The following SRFBP1 variants were observed in gnomAD, a reference collection of about 807,000 sequenced individuals.
The protein encoded by SRFBP1 is serum response factor-binding protein 1.
In SRFBP1, 47 loss-of-function variants were observed where a neutral mutation model predicts 45.5. That is an observed-to-expected ratio of 1.03 (90% CI 0.82 to 1.32). The LOEUF (loss-of-function observed/expected upper bound fraction) is 1.32, where lower values mean the gene tolerates loss of function less well. Ranked by LOEUF, SRFBP1 falls within the 40% of genes most tolerant of loss-of-function variation. SRFBP1 has a pLI of 0.00. For missense variants in SRFBP1, 621 were observed against 484.6 expected (o/e 1.28, Z -2.64); for synonymous variants, 203 against 166.3 (o/e 1.22, Z -1.70).
chr5:122,076,717 C>A (rs948813155), downstream of SRFBP1, among the ~76,000 whole-genome samples: 2 of 151,878 alleles, frequency 1.3e-5, no homozygotes, highest in African/African-American at 4.8e-5. Flanking sequence ...CAGAAATCTT[C>A]AAAAATATTA....
At chr5:121,964,525 A>G (rs531838720) in intron 1 of SRFBP1, among the ~76,000 whole-genome samples, 6 of 152,260 alleles carry the variant, frequency 3.9e-5, no homozygotes, top group African/African-American at 1.4e-4. Flanking sequence ...ACATGAACTC[A>G]TCATTTTTTA....
chr5:122,046,277 A>G lies in SRFBP1; in HGVS notation n.311+23870A>G, dbSNP rs1450803384. Among the ~76,000 whole-genome samples the G allele has an allele frequency of 3.3e-5, 5 of 151,374 alleles. No homozygotes were observed. In the South Asian group the frequency reaches 6.3e-4, roughly 19 times the overall value. ...CGTTCTCATTGTTCAATTCCCACCT[A>G]TGAGTGAGAACAGGCGGTGTTTGGT... On this transcript the variant is annotated intron_variant and non_coding_transcript_variant, in intron 2 of 2. Coordinates refer to the SRFBP1 transcript ENST00000504881.
chr5:121,976,205 T>C (rs1752299781), intron 3 of SRFBP1, among the ~76,000 whole-genome samples: 1 of 152,060 alleles, frequency 6.6e-6, no homozygotes, highest in South Asian at 2.1e-4. Context: ...GTAAAGTGTT[T>C]AATAGGACAA....
At chr5:122,057,459 C>CTG (rs3028227) in intron 2 of SRFBP1, among the ~76,000 whole-genome samples, 1,620 of 146,486 alleles carry the variant, frequency 0.011, 26 homozygotes, top group East Asian at 0.05. Context: ...GTTCTCAGTT[C>CTG]TGTGTGTGTG....
downstream of SRFBP1, chr5:122,077,273 C>G: frequency 6.3e-7 from 1 of 1,582,086 alleles, no homozygotes; most frequent in East Asian, 2.3e-5. The surrounding 1 kb of genome is among the most constrained non-coding windows in gnomAD (Gnocchi z 4.9). Flanking sequence ...CGGGGCCCGC[C>G]GCGCCCAGGC....
At chr5:122,077,745 T>G, downstream of SRFBP1, 1 of 1,567,774 alleles carries the variant, frequency 6.4e-7, no homozygotes, top group Non-Finnish European at 8.6e-7. The surrounding 1 kb of genome is among the most constrained non-coding windows in gnomAD (Gnocchi z 4.9). Flanking sequence ...GCGGAGGCGT[T>G]GGCTGCACCA....
chr5:122,069,239 C>A (rs866909042), intron 2 of SRFBP1, among the ~76,000 whole-genome samples: 4 of 152,066 alleles, frequency 2.6e-5, no homozygotes, highest in Non-Finnish European at 5.9e-5. Context: ...ACTGGTGGTT[C>A]TCCAGTGACA....
intron 1 of SRFBP1, among the ~76,000 whole-genome samples, chr5:121,973,561 G>A (rs1199503038): frequency 6.8e-6 from 1 of 147,760 alleles, no homozygotes; most frequent in East Asian, 2.0e-4. Context: ...GTTAAACATT[G>A]TTCTCCAGTA....
chr5:122,041,267 G>C (rs1045355746), intron 2 of SRFBP1, among the ~76,000 whole-genome samples: 1 of 152,084 alleles, frequency 6.6e-6, no homozygotes, highest in Non-Finnish European at 1.5e-5. Context: ...CCTAAGGAAA[G>C]TATGGTAGAG....
At chr5:122,069,786 A>G (rs984147449) in intron 2 of SRFBP1, among the ~76,000 whole-genome samples, 2 of 152,128 alleles carry the variant, frequency 1.3e-5, no homozygotes, top group Non-Finnish European at 2.9e-5. Context: ...TTGGGCCTTC[A>G]CAAATGCCTT....
chr5:122,009,152 C>T (rs1753038329), intron 4 of SRFBP1, among the ~76,000 whole-genome samples: 1 of 152,108 alleles, frequency 6.6e-6, no homozygotes, highest in African/African-American at 2.4e-5. Context: ...TGCATTTTTC[C>T]ATTGACATGT....
Position 122,020,708 on chromosome 5 carries a change from G to C in SRFBP1, c.973G>C (p.Asp325His), listed in dbSNP as rs191242380. 11 of 1,612,838 alleles carry C rather than the reference G, an allele frequency of 6.8e-6. No homozygotes were observed. Among genetic ancestry groups the C allele is most frequent in the Non-Finnish European group, 9.3e-6 (11 of 1,179,760 alleles). The part of the protein sequence containing the change: ...LKEDTGETHG[D>H]TRNDKIKPST... Reference sequence around the variant, plus strand: ...AGAAGATACAGGTGAAACTCATGGGGATACAAGAAATGACAAAATCAAGCC... The same window carrying C: ...AGAAGATACAGGTGAAACTCATGGGCATACAAGAAATGACAAAATCAAGCC... The change falls in exon 6 of 8, where the codon GAT becomes CAT. Residue 325 changes from aspartate (D) to histidine (H), a missense_variant. By Grantham distance (81) the Asp-to-His change is moderately conservative. Coordinates refer to ENST00000339397, the MANE Select transcript of SRFBP1 (RefSeq NM_152546.3).
chr5:122,017,437 A>G (rs1362604472), intron 4 of SRFBP1, among the ~76,000 whole-genome samples: 1 of 152,070 alleles, frequency 6.6e-6, no homozygotes, highest in African/African-American at 2.4e-5. Flanking sequence ...GTGCCCCTAT[A>G]TCAAAATATT....
chr5:121,994,024 G>C lies in SRFBP1; in HGVS notation c.199-575G>C, dbSNP rs112574091. On this transcript the variant is annotated intron_variant, in intron 3 of 7. Coordinates refer to ENST00000339397, the MANE Select transcript of SRFBP1 (RefSeq NM_152546.3). ...TTTTATCAATATTCCATGTGTACTT[G>C]AGAAGAAGATACAATTGTTGTTAAG... is the stretch of plus-strand genomic sequence containing the variant. Among the ~76,000 whole-genome samples the C allele has an allele frequency of 2.1e-3, 320 of 152,026 alleles. 1 individual carries two copies. The highest frequency in any genetic ancestry group is 7.4e-3 in the African/African-American group (309 of 41,518).
downstream of SRFBP1, among the ~76,000 whole-genome samples, chr5:122,078,731 G>A (rs1754715203): frequency 6.6e-6 from 1 of 152,140 alleles, no homozygotes; most frequent in African/African-American, 2.4e-5. Context: ...ATTTCCCAAC[G>A]CACACTCTCT....
intron 2 of SRFBP1, among the ~76,000 whole-genome samples, chr5:122,059,897 G>A (rs538371480): frequency 6.6e-6 from 1 of 152,244 alleles, no homozygotes; most frequent in Admixed American, 6.6e-5. Context: ...CAGTGGGAAA[G>A]AGTAGCAATT....
At chr5:122,069,185 A>T (rs3805442) in intron 2 of SRFBP1, among the ~76,000 whole-genome samples, 39,853 of 151,960 alleles carry the variant, frequency 0.26, 6,679 homozygotes, top group African/African-American at 0.48. Context: ...TAATTATGAG[A>T]TTCTAGTATA....
intron 3 of SRFBP1, among the ~76,000 whole-genome samples, chr5:121,978,329 A>C (rs1432049791): frequency 6.6e-6 from 1 of 152,192 alleles, no homozygotes; most frequent in Non-Finnish European, 1.5e-5. Context: ...TAAGTTGAGA[A>C]CATCCTATGA....
intron 1 of SRFBP1, among the ~76,000 whole-genome samples, chr5:121,967,669 C>CA (rs1265091214): frequency 1.3e-5 from 2 of 152,040 alleles, no homozygotes; most frequent in African/African-American, 2.4e-5. Flanking sequence ...CCCGTCTCTA[C>CA]AAAAAATACA....
Sources: allele counts gnomAD v4.1 joint callset (sites outside exome capture counted in the v4.1 genomes callset), GRCh38; gene constraint gnomAD v4.1.1; non-coding constraint Gnocchi (gnomAD v3.1); transcripts MANE v1.5; gene names NCBI Gene and HGNC (gene_info 2026-07-23, HGNC 2026-07-21).